Variants in LPP observed in about 807,000 individuals in gnomAD.
The protein encoded by LPP is lipoma-preferred partner.
Under a neutral mutation model 60.4 loss-of-function variants are expected in LPP, and 38 were observed. That is an observed-to-expected ratio of 0.63 (90% confidence interval 0.49 to 0.83). The LOEUF (loss-of-function observed/expected upper bound fraction) is 0.83, where lower values mean the gene tolerates loss of function less well. Ranked by LOEUF, LPP falls within the 40% of genes least tolerant of loss-of-function variation. The pLI is 0.00. For missense variants in LPP, 902 were observed against 783.6 expected, an observed-to-expected ratio of 1.15 and a Z score of -1.80; for synonymous variants, 328 against 290.8, an observed-to-expected ratio of 1.13 and a Z score of -1.30.
chr3:188,622,897 G>A (rs1041054995), intron 7 of LPP, among the ~76,000 whole-genome samples: 2 of 151,822 alleles, frequency 1.3e-5, no homozygotes, highest in Admixed American at 6.6e-5. Context: ...GCGTGGTGGC[G>A]CATGCCTGTA....
At chr3:188,472,790 A>C (rs1156421685) in intron 4 of LPP, 1 of 152,172 alleles carries the variant, frequency 6.6e-6, no homozygotes, top group African/African-American at 2.4e-5. Context: ...ATTTTGTTGG[A>C]GATATTTTAC....
At chr3:188,713,229 C>A (rs895842498) in intron 8 of LPP, among the ~76,000 whole-genome samples, 10 of 152,048 alleles carry the variant, frequency 6.6e-5, no homozygotes, top group Non-Finnish European at 1.0e-4. Context: ...CTCTATCCAA[C>A]CATGAGGAAG....
At chr3:188,655,141 C>G (rs965230083) in intron 7 of LPP, among the ~76,000 whole-genome samples, 1 of 152,110 alleles carries the variant, frequency 6.6e-6, no homozygotes, top group African/African-American at 2.4e-5. Context: ...TTTTGCAATA[C>G]AGGGCAGGAT....
intron 5 of LPP, among the ~76,000 whole-genome samples, chr3:188,509,340 C>T (rs1814518042): frequency 6.6e-6 from 1 of 152,170 alleles, no homozygotes; most frequent in African/African-American, 2.4e-5. Flanking sequence ...TTATTGCTCC[C>T]TTATTTCATA....
chr3:188,616,122 T>C (rs962284831), intron 7 of LPP, among the ~76,000 whole-genome samples: 37 of 152,216 alleles, frequency 2.4e-4, no homozygotes, highest in African/African-American at 8.2e-4. Context: ...TTTGTTGCAA[T>C]TGCTTTTGGC....
chr3:188,523,622 T>A (rs1819624066), intron 5 of LPP, among the ~76,000 whole-genome samples: 1 of 152,192 alleles, frequency 6.6e-6, no homozygotes, highest in East Asian at 1.9e-4. Context: ...GATATTCTAG[T>A]TTCTTGGTTG....
At chr3:188,756,080 A>G (rs1730130520) in intron 8 of LPP, among the ~76,000 whole-genome samples, 1 of 152,084 alleles carries the variant, frequency 6.6e-6, no homozygotes. Flanking sequence ...AGCCATTGCA[A>G]TAGCCTTTGA....
intron 9 of LPP, among the ~76,000 whole-genome samples, chr3:188,809,370 GC>G (rs1750175633): frequency 6.6e-6 from 1 of 151,864 alleles, no homozygotes; most frequent in Non-Finnish European, 1.5e-5. Flanking sequence ...TTTAATAATC[GC>G]CATTCTGACT....
At chr3:188,850,839 T>TG (rs1762519432) in intron 9 of LPP, among the ~76,000 whole-genome samples, 1 of 152,104 alleles carries the variant, frequency 6.6e-6, no homozygotes, top group Non-Finnish European at 1.5e-5. Flanking sequence ...AACTAGACCT[T>TG]GGGCAGACAA....
intron 5 of LPP, among the ~76,000 whole-genome samples, chr3:188,513,558 A>T (rs1216575095): frequency 6.6e-6 from 1 of 151,934 alleles, no homozygotes; most frequent in East Asian, 1.9e-4. Context: ...TAATATATGT[A>T]TTGTTCCTTA....
chr3:188,580,292 C>A (rs1282495771), intron 6 of LPP, among the ~76,000 whole-genome samples: 1 of 151,584 alleles, frequency 6.6e-6, no homozygotes, highest in Non-Finnish European at 1.5e-5. Flanking sequence ...TAATTATAGG[C>A]AGATAAAATT....
intron 2 of LPP, among the ~76,000 whole-genome samples, chr3:188,227,023 A>G (rs1434942869): frequency 1.3e-5 from 2 of 152,154 alleles, no homozygotes; most frequent in East Asian, 3.9e-4. Context: ...CACCTCCTCT[A>G]TGTCTTGAGT....
At chr3:188,762,203 C>T (rs767917023) in intron 9 of LPP, among the ~76,000 whole-genome samples, 14 of 152,112 alleles carry the variant, frequency 9.2e-5, no homozygotes, top group Admixed American at 1.3e-4. Flanking sequence ...AATTTCGTTA[C>T]GTCACTTAGT....
intron 7 of LPP, among the ~76,000 whole-genome samples, chr3:188,700,336 G>A (rs972382843): frequency 6.6e-5 from 10 of 152,070 alleles, no homozygotes; most frequent in Admixed American, 3.3e-4. Flanking sequence ...AAATGATCAC[G>A]CCAAGGTCAG....
At chr3:188,455,253 A>ATATGTGAGTAAT (rs1797473803) in intron 4 of LPP, among the ~76,000 whole-genome samples, 1 of 152,184 alleles carries the variant, frequency 6.6e-6, no homozygotes, top group Non-Finnish European at 1.5e-5. Context: ...GGGACTAGCA[A>ATATGTGAGTAAT]AGTGCTCACA....
intron 1 of LPP, among the ~76,000 whole-genome samples, chr3:188,203,320 T>A (rs1211465032): frequency 1.8e-5 from 2 of 112,686 alleles, no homozygotes; most frequent in Non-Finnish European, 3.3e-5. Flanking sequence ...TATTTAAAAA[T>A]GTATTTTATA....
At chr3:188,519,010 C>T (rs1329842183) in intron 5 of LPP, among the ~76,000 whole-genome samples, 1 of 152,052 alleles carries the variant, frequency 6.6e-6, no homozygotes, top group African/African-American at 2.4e-5. Context: ...TTATTTTCAT[C>T]CCGTTTCACA....
intron 2 of LPP, among the ~76,000 whole-genome samples, chr3:188,322,105 T>C (rs1042333874): frequency 3.9e-5 from 6 of 152,228 alleles, no homozygotes; most frequent in Non-Finnish European, 7.3e-5. Flanking sequence ...GCTCAGATAT[T>C]ATGTCTAAGG....
chr3:188,551,668 A>G (rs1168681996), intron 6 of LPP, among the ~76,000 whole-genome samples: 3 of 152,088 alleles, frequency 2.0e-5, no homozygotes, highest in Non-Finnish European at 4.4e-5. Context: ...AGGAGAATGG[A>G]GATGTACAGT....
Sources: gnomAD v4.1 joint callset for allele counts (sites outside exome capture counted in the v4.1 genomes callset) on GRCh38, gnomAD v4.1.1 for gene constraint, MANE v1.5 for transcripts, NCBI Gene and HGNC (gene_info 2026-07-23, HGNC 2026-07-21) for gene names.